The following ARHGEF7 variants were observed in gnomAD, a reference collection of about 807,000 sequenced individuals.
ARHGEF7 encodes Rho guanine nucleotide exchange factor 7.
In ARHGEF7, 33 loss-of-function variants were observed where a neutral mutation model predicts 109.8. That is an observed-to-expected ratio of 0.30 (90% confidence interval 0.23 to 0.40). The LOEUF is 0.40. Ranked by LOEUF, ARHGEF7 falls within the 10% of genes least tolerant of loss-of-function variation. The pLI is 1.00. For missense variants in ARHGEF7, 938 were observed against 1,098.5 expected, an observed-to-expected ratio of 0.85 and a Z score of 2.07; for synonymous variants, 458 against 424.6, an observed-to-expected ratio of 1.08 and a Z score of -0.97.
intron 1 of ARHGEF7, among the ~76,000 whole-genome samples, chr13:111,139,430 C>G (rs996229701): frequency 2.0e-5 from 3 of 152,244 alleles, no homozygotes; most frequent in Non-Finnish European, 4.4e-5. Context: ...GTGTCTATGT[C>G]TCTGTCTCTC....
At chr13:111,154,124 C>A (rs2076103153) in intron 2 of ARHGEF7, 133 bp downstream of exon 2, 6 of 967,362 alleles carry the variant, frequency 6.2e-6, no homozygotes, top group Non-Finnish European at 8.7e-6. Context: ...GCTCGAGAGT[C>A]CGGGATGTGT....
chr13:111,249,690 T>G (rs1401797638), intron 8 of ARHGEF7, among the ~76,000 whole-genome samples: 3 of 152,176 alleles, frequency 2.0e-5, no homozygotes, highest in Non-Finnish European at 2.9e-5. Context: ...AACTCGGTTT[T>G]AGGGCTAGTT....
At chr13:111,186,826 A>G (rs909096013) in intron 2 of ARHGEF7, 1 of 985,438 alleles carries the variant, frequency 1.0e-6, no homozygotes, top group Non-Finnish European at 1.2e-6. Flanking sequence ...TCAGTCCCAC[A>G]TTGCAGAGGC....
chr13:111,274,834 G>C (rs1175716283), intron 11 of ARHGEF7, 44 bp downstream of exon 11: 22 of 1,234,750 alleles, frequency 1.8e-5, no homozygotes, highest in Non-Finnish European at 2.3e-5. Flanking sequence ...ACATTATTGT[G>C]ACAAATGAAT....
chr13:111,217,498 G>T (rs1479734675), intron 4 of ARHGEF7, among the ~76,000 whole-genome samples, 181 bp from the exon 5 acceptor site: 1 of 152,226 alleles, frequency 6.6e-6, no homozygotes, highest in Non-Finnish European at 1.5e-5. Flanking sequence ...GTGTCCTCTG[G>T]GGCTGGAGTG....
chr13:111,114,933 G>T (rs985164017), upstream of ARHGEF7: 1 of 152,122 alleles, frequency 6.6e-6, no homozygotes, highest in African/African-American at 2.4e-5. Context: ...AAATAAAACC[G>T]GCAAAAATAA....
At chr13:111,279,092 AG>A (rs1024927933) in intron 13 of ARHGEF7, among the ~76,000 whole-genome samples, 1 of 152,194 alleles carries the variant, frequency 6.6e-6, no homozygotes, top group Non-Finnish European at 1.5e-5. Context: ...CGATGTTCAG[AG>A]GGGCTAGGTT....
chr13:111,218,750 T>C (rs919138899), intron 5 of ARHGEF7, among the ~76,000 whole-genome samples: 2 of 152,092 alleles, frequency 1.3e-5, no homozygotes, highest in African/African-American at 2.4e-5. Flanking sequence ...TGCGGTCTTG[T>C]GGGGTTGAAT....
At chr13:111,132,616 G>A (rs1454542738) in intron 1 of ARHGEF7, among the ~76,000 whole-genome samples, 1 of 152,106 alleles carries the variant, frequency 6.6e-6, no homozygotes, top group East Asian at 1.9e-4. Flanking sequence ...TTTAGAAAAC[G>A]CTCACAGTGT....
chr13:111,187,136 C>A, intron 2 of ARHGEF7: 1 of 415,446 alleles, frequency 2.4e-6, no homozygotes. Context: ...CAGTGGTGTC[C>A]CTTAGCTCTG....
chr13:111,292,414 C>G, intron 19 of ARHGEF7, 120 bp downstream of exon 19: 1 of 1,505,142 alleles, frequency 6.6e-7, no homozygotes, highest in Non-Finnish European at 8.8e-7. Flanking sequence ...TTCCTTGTCT[C>G]TTTTATGTGA....
intron 5 of ARHGEF7, among the ~76,000 whole-genome samples, chr13:111,230,767 G>A (rs883788): frequency 0.24 from 35,779 of 152,150 alleles, 5,280 homozygotes; most frequent in East Asian, 0.78. Context: ...TCTGGGGAAC[G>A]TGATCTTGAC....
chr13:111,247,312 AGGCT>A (rs2089039470), intron 8 of ARHGEF7, among the ~76,000 whole-genome samples: 1 of 150,934 alleles, frequency 6.6e-6, no homozygotes, highest in African/African-American at 2.4e-5. Context: ...TCTGTTGCCC[AGGCT>A]GGAGTGCACT....
At chr13:111,235,551 T>C (rs1161917177) in intron 6 of ARHGEF7, among the ~76,000 whole-genome samples, 1 of 152,222 alleles carries the variant, frequency 6.6e-6, no homozygotes, top group African/African-American at 2.4e-5. Flanking sequence ...TAGCACATGG[T>C]AAAATTACAG....
chr13:111,209,790 A>G, intron 3 of ARHGEF7, 82 bp from the exon 4 acceptor site: 2 of 1,503,124 alleles, frequency 1.3e-6, no homozygotes, highest in East Asian at 2.3e-5. Context: ...GTGCTGCCCT[A>G]GTTTTAAAGT....
chr13:111,125,854 C>A (rs906602070), intron 1 of ARHGEF7, among the ~76,000 whole-genome samples: 1 of 152,170 alleles, frequency 6.6e-6, no homozygotes. Context: ...TGAACACATG[C>A]CAAAAGATTG....
chr13:111,269,081 C>T (rs1595377781), intron 9 of ARHGEF7, among the ~76,000 whole-genome samples: 2 of 152,206 alleles, frequency 1.3e-5, no homozygotes, highest in South Asian at 4.1e-4. Flanking sequence ...CTGCACGTCC[C>T]GCTTGGGAGC....
intron 2 of ARHGEF7, among the ~76,000 whole-genome samples, chr13:111,192,217 G>A (rs922929663): frequency 2.7e-4 from 41 of 151,620 alleles, no homozygotes; most frequent in African/African-American, 8.5e-4. Flanking sequence ...AATTTAACTC[G>A]GGTGTGGTGA....
chr13:111,133,534 AATGTCAGTG>A (rs1427632804), intron 1 of ARHGEF7, among the ~76,000 whole-genome samples: 1 of 151,542 alleles, frequency 6.6e-6, no homozygotes, highest in Non-Finnish European at 1.5e-5. Context: ...CACATACAGA[AATGTCAGTG>A]ATGTCACTGA....
Sources: allele counts gnomAD v4.1 joint callset (sites outside exome capture counted in the v4.1 genomes callset), GRCh38; gene constraint gnomAD v4.1.1; transcripts MANE v1.5; gene names NCBI Gene and HGNC (gene_info 2026-07-23, HGNC 2026-07-21).